Variants in MSRB3 observed in about 807,000 individuals in gnomAD.
MSRB3 encodes the protein methionine-R-sulfoxide reductase B3.
In MSRB3, 13 loss-of-function variants were observed where a neutral mutation model predicts 21.0. That is an observed-to-expected ratio of 0.62 (90% confidence interval 0.40 to 0.98). MSRB3 has a LOEUF of 0.98. Ranked by LOEUF, MSRB3 falls within the 50% of genes least tolerant of loss-of-function variation. The pLI, the probability that MSRB3 is intolerant of heterozygous loss-of-function variation, is 0.00. For synonymous variants in MSRB3, 87 were observed against 88.6 expected, an observed-to-expected ratio of 0.98 and a Z score of 0.10; for missense variants, 199 against 230.3, an observed-to-expected ratio of 0.86 and a Z score of 0.88.
intron 6 of MSRB3, among the ~76,000 whole-genome samples, chr12:65,454,715 T>C (rs1433523192): frequency 6.6e-6 from 1 of 152,230 alleles, no homozygotes; most frequent in African/African-American, 2.4e-5. Flanking sequence ...TTTCCAATAA[T>C]TTCCTAATTA....
intron 5 of MSRB3, among the ~76,000 whole-genome samples, chr12:65,425,442 A>G (rs1487508540): frequency 6.6e-6 from 1 of 151,804 alleles, no homozygotes; most frequent in Non-Finnish European, 1.5e-5. Context: ...TTTCTCTTTT[A>G]TGACTTTCCT....
At chr12:65,298,338 G>T (rs1483710905) in intron 1 of MSRB3, among the ~76,000 whole-genome samples, 1 of 152,176 alleles carries the variant, frequency 6.6e-6, no homozygotes, top group Admixed American at 6.5e-5. Flanking sequence ...AATACAGACA[G>T]AATAATTAGT....
intron 2 of MSRB3, among the ~76,000 whole-genome samples, chr12:65,322,247 G>T (rs1874719773): frequency 6.6e-6 from 1 of 152,170 alleles, no homozygotes; most frequent in South Asian, 2.1e-4. Flanking sequence ...TAACTTTTCT[G>T]ATGTACTGAG....
intron 1 of MSRB3, among the ~76,000 whole-genome samples, chr12:65,297,021 A>G (rs1415011582): frequency 6.6e-6 from 1 of 152,226 alleles, no homozygotes. Flanking sequence ...TTAAAAAATA[A>G]TGGAATACTA....
rs1366562381 is a variant in MSRB3 at position 65,464,561 on chromosome 12, T to C, written c.*1239T>C. On this transcript the variant is annotated 3_prime_UTR_variant, in exon 7 of 7. Coordinates refer to ENST00000308259, the MANE Select transcript of MSRB3 (RefSeq NM_001031679.3). ...CGCCTGTCCATCGCCTTTTTATAAG[T>C]CCTTCTCTCCACACCTAAAAGCAGC... 6.6e-6 allele frequency: 1 copy of C among 152,208 alleles called. No individual in the cohort carries two copies. Among genetic ancestry groups the C allele is most frequent in the African/African-American group, 2.4e-5 (1 of 41,442 alleles). The allele number at this position is 152,208 out of a possible 1,614,324, so 9.4% of individuals were successfully genotyped here.
At chr12:65,292,263 AT>A (rs573283062) in intron 1 of MSRB3, among the ~76,000 whole-genome samples, 41 of 152,310 alleles carry the variant, frequency 2.7e-4, no homozygotes, top group Middle Eastern at 6.8e-3. Flanking sequence ...TGTTAGACAC[AT>A]GATTTTAGGC....
At chr12:65,452,532 T>C (rs1251717487) in intron 5 of MSRB3, among the ~76,000 whole-genome samples, 1 of 152,184 alleles carries the variant, frequency 6.6e-6, no homozygotes. Context: ...TGAAAGGTTA[T>C]AGTCTGGAAG....
intron 1 of MSRB3, among the ~76,000 whole-genome samples, chr12:65,299,450 G>T (rs1157118116): frequency 6.6e-6 from 1 of 152,198 alleles, no homozygotes; most frequent in Non-Finnish European, 1.5e-5. Flanking sequence ...TGCTGATGCA[G>T]TTGCTGCCAT....
At chr12:65,440,079 T>C (rs1882298717) in intron 5 of MSRB3, among the ~76,000 whole-genome samples, 1 of 151,722 alleles carries the variant, frequency 6.6e-6, no homozygotes. Context: ...TTCAACTCAA[T>C]CAAAAATGAA....
At chr12:65,431,300 T>C (rs1881865242) in intron 5 of MSRB3, among the ~76,000 whole-genome samples, 1 of 152,042 alleles carries the variant, frequency 6.6e-6, no homozygotes, top group Non-Finnish European at 1.5e-5. Flanking sequence ...GTCTTAGTAA[T>C]TTTATTCAGA....
chr12:65,413,699 T>C (rs1880829968), intron 5 of MSRB3, among the ~76,000 whole-genome samples: 1 of 151,974 alleles, frequency 6.6e-6, no homozygotes, highest in South Asian at 2.1e-4. Context: ...TAAATTCTAG[T>C]TGGGGGCAGG....
intron 4 of MSRB3, among the ~76,000 whole-genome samples, chr12:65,340,547 A>T (rs1876069346): frequency 6.6e-6 from 1 of 152,156 alleles, no homozygotes; most frequent in Non-Finnish European, 1.5e-5. Flanking sequence ...ATTATATCAC[A>T]CTGCTAAAAA....
intron 4 of MSRB3, among the ~76,000 whole-genome samples, chr12:65,349,936 G>A (rs1327959842): frequency 1.3e-5 from 2 of 151,924 alleles, no homozygotes; most frequent in Non-Finnish European, 2.9e-5. Context: ...TGTCAATTTT[G>A]TCTTTTGTTG....
At chr12:65,284,487 G>A (rs2136384610) in intron 1 of MSRB3, 1 of 152,358 alleles carries the variant, frequency 6.6e-6, no homozygotes, top group Non-Finnish European at 1.5e-5. Context: ...ATCTCAGCAG[G>A]TTTGTGGGTG....
intron 4 of MSRB3, among the ~76,000 whole-genome samples, chr12:65,349,305 T>A (rs866073943): frequency 6.6e-6 from 1 of 151,814 alleles, no homozygotes; most frequent in Non-Finnish European, 1.5e-5. Flanking sequence ...ATCCAGTCTA[T>A]CATTGTTGGA....
intron 5 of MSRB3, among the ~76,000 whole-genome samples, chr12:65,429,164 GGAT>G (rs1176723874): frequency 6.6e-6 from 1 of 152,072 alleles, no homozygotes; most frequent in Non-Finnish European, 1.5e-5. Context: ...CAAATAAATG[GGAT>G]GATATTTGAT....
intron 5 of MSRB3, among the ~76,000 whole-genome samples, chr12:65,373,528 A>G (rs1371937487): frequency 2.0e-5 from 3 of 151,636 alleles, no homozygotes; most frequent in African/African-American, 4.8e-5. Flanking sequence ...TTTTTTTTCT[A>G]TAGAGTCATG....
At chr12:65,384,209 T>C (rs1236231109) in intron 5 of MSRB3, among the ~76,000 whole-genome samples, 1 of 152,210 alleles carries the variant, frequency 6.6e-6, no homozygotes, top group African/African-American at 2.4e-5. Context: ...AACTGCCTTT[T>C]CTATTTTATT....
intron 5 of MSRB3, among the ~76,000 whole-genome samples, chr12:65,397,085 G>A (rs898610496): frequency 2.0e-5 from 3 of 152,058 alleles, no homozygotes; most frequent in Non-Finnish European, 4.4e-5. Context: ...TGTCCTCTTG[G>A]AGCATTGACC....
Sources: gnomAD v4.1 joint callset for allele counts (sites outside exome capture counted in the v4.1 genomes callset) on GRCh38, gnomAD v4.1.1 for gene constraint, MANE v1.5 for transcripts, NCBI Gene and HGNC (gene_info 2026-07-23, HGNC 2026-07-21) for gene names.